LRIG2: variants seen among roughly 807,000 people sequenced by gnomAD.
LRIG2 encodes the protein leucine rich repeats and immunoglobulin like domains 2.
LRIG2 carries 93 observed loss-of-function variants against 107.8 expected under a neutral mutation model. That is an observed-to-expected ratio of 0.86 (90% CI 0.73 to 1.03). The LOEUF (loss-of-function observed/expected upper bound fraction) is 1.03, where lower values mean the gene tolerates loss of function less well. LRIG2 is among the 50% of genes least tolerant of loss of function. LRIG2 has a pLI of 0.00. For synonymous variants in LRIG2, 471 were observed against 470.6 expected (o/e 1.00, Z -0.01); for missense variants, 1,226 against 1,296.0 (o/e 0.95, Z 0.83).
intron 1 of LRIG2, among the ~76,000 whole-genome samples, chr1:113,084,881 G>C (rs942889977): frequency 6.6e-6 from 1 of 152,150 alleles, no homozygotes; most frequent in African/African-American, 2.4e-5. Context: ...TCCTATGCTA[G>C]AGAAAATGAC....
Position 113,127,260 on chromosome 1 carries a change from C to T in LRIG2, c.*3159C>T, listed in dbSNP as rs1655516371. On this transcript the variant is annotated 3_prime_UTR_variant, in exon 18 of 18. Coordinates refer to ENST00000361127, the MANE Select transcript of LRIG2 (RefSeq NM_014813.3). ...TTTGAGATGGAGTCCCTCTCGGTCACCCAGGCTGGAGCGCAGTGGCATGAT... is the reference window on the plus strand; with the variant it reads ...TTTGAGATGGAGTCCCTCTCGGTCATCCAGGCTGGAGCGCAGTGGCATGAT... 1 of 152,172 alleles carries T rather than the reference C, an allele frequency of 6.6e-6. No individual in the cohort carries two copies. The highest frequency in any genetic ancestry group is 2.4e-5 in the African/African-American group (1 of 41,428). The allele number at this position is 152,172 out of a possible 1,614,324, so 9.4% of individuals were successfully genotyped here.
intron 1 of LRIG2, among the ~76,000 whole-genome samples, chr1:113,079,788 C>G (rs1209634141): frequency 7.1e-6 from 1 of 140,594 alleles, no homozygotes; most frequent in Non-Finnish European, 1.5e-5. Context: ...GTTGCCCAGG[C>G]TAGAGTGGAG....
intron 1 of LRIG2, among the ~76,000 whole-genome samples, chr1:113,089,585 G>A (rs77924784): frequency 0.018 from 2,663 of 151,172 alleles, 94 homozygotes; most frequent in African/African-American, 0.061. Flanking sequence ...AAGAATGCCT[G>A]TCTGCCTTTA....
intron 17 of LRIG2, among the ~76,000 whole-genome samples, chr1:113,120,774 T>G (rs1318018467): frequency 6.6e-6 from 1 of 151,800 alleles, no homozygotes; most frequent in Non-Finnish European, 1.5e-5. Context: ...CCTCCCAAAG[T>G]GCTGGGATTA....
chr1:113,095,748 G>A (rs1481117460), intron 6 of LRIG2, 126 bp from the exon 7 acceptor site: 2 of 826,232 alleles, frequency 2.4e-6, no homozygotes, highest in African/African-American at 3.4e-5. Flanking sequence ...TTATTGAATA[G>A]AATTGGTCAG....
At position 113,094,372 on chromosome 1, in the gene LRIG2, G is replaced by A. The variant is rs1188058102; in HGVS notation, c.549G>A (p.Glu183=). ...NLSNNRITTL[E]AGCFDNLSSS... ...GTAATAACAGAATAACCACCTTGGA[G>A]GCTGGTTGCTTCGATAATTTATCAA... The change falls in exon 5 of 18, where the codon GAG becomes GAA. Residue 183 remains glutamate (E), a synonymous_variant. Transcript: ENST00000361127. 2 of 1,612,094 alleles carry A rather than the reference G, an allele frequency of 1.2e-6. No homozygotes were observed. Among genetic ancestry groups the A allele is most frequent in the Non-Finnish European group, 1.7e-6 (2 of 1,179,178 alleles).
intron 17 of LRIG2, among the ~76,000 whole-genome samples, chr1:113,123,461 C>T (rs539227618): frequency 2.0e-5 from 3 of 152,146 alleles, no homozygotes; most frequent in Admixed American, 6.6e-5. Context: ...GTAATCCCAG[C>T]TACTTGGGAG....
At chr1:113,082,417 A>C (rs1653330076) in intron 1 of LRIG2, among the ~76,000 whole-genome samples, 1 of 152,192 alleles carries the variant, frequency 6.6e-6, no homozygotes, top group South Asian at 2.1e-4. Flanking sequence ...ATACAATTAA[A>C]TCAGACTGGG....
intron 2 of LRIG2, 122 bp from the exon 3 acceptor site, chr1:113,093,084 T>G: frequency 1.6e-6 from 1 of 627,158 alleles, no homozygotes; most frequent in Non-Finnish European, 2.8e-6. Context: ...TAACTCATTC[T>G]GAGTCATATT....
rs138090493 is a variant in LRIG2 at position 113,094,984 on chromosome 1, A to ATATAT, written c.803+230_803+231insATATT. ...CTAAAAAGTTTATATATATATATAT[A>ATATAT]TTTTTTTTGAGATGGAGTCTCACTC... On this transcript the variant is annotated intron_variant, in intron 6 of 17. Transcript: ENST00000361127. 2.9e-5 allele frequency among the ~76,000 whole-genome samples: 4 copies of ATATAT among 139,752 alleles called. No individual in the cohort carries two copies. The East Asian group carries it at 7.3e-4, about 25-fold the overall frequency. 91.7% of individuals were successfully genotyped at this position (139,752 alleles called of 152,430 possible).
In LRIG2 at chr1:113,093,538, A is replaced by G. The variant is rs6688685; in HGVS notation, c.489A>G (p.Ser163=). ...TAATATCAGAAATCAAGACATCTTC[A>G]TTTCCTCGCATGCAGCTTAAATACC... ...SNIISEIKTS[S]FPRMQLKYLN... The change falls in exon 4 of 18, where the codon TCA becomes TCG. Residue 163 remains serine (S), a synonymous_variant. Transcript: ENST00000361127. 8.4e-3 allele frequency: 13,376 copies of G among 1,584,488 alleles called. 1,006 individuals carry two copies. The African/African-American group carries it at 0.16, about 19-fold the overall frequency.
intron 5 of LRIG2, 29 bp downstream of exon 5, chr1:113,094,511 A>G: frequency 6.3e-7 from 1 of 1,583,154 alleles, no homozygotes; most frequent in Non-Finnish European, 8.6e-7. Context: ...GGATTATAAG[A>G]AGATAGTTTT....
chr1:113,103,647 TGGACCCCCAGACCTCTCACCCA>T (rs1654398255), intron 11 of LRIG2: 1 of 154,450 alleles, frequency 6.5e-6, no homozygotes, highest in Admixed American at 6.5e-5. Context: ...GATTCATCAT[TGGACCCCCAGACCTCTCACCCA>T]GGACCCCAAG....
At chr1:113,116,221 A>G in intron 15 of LRIG2, 66 bp from the exon 16 acceptor site, 1 of 1,453,178 alleles carries the variant, frequency 6.9e-7, no homozygotes, top group South Asian at 1.3e-5. Context: ...ACACATTTGC[A>G]AAATAGTCTT....
Position 113,119,536 on chromosome 1 carries a change from TTTTTGTTGTTA to T in LRIG2, c.2971+21_2971+31del. The T allele has an allele frequency of 6.2e-7, 1 of 1,608,080 alleles. No individual in the cohort carries two copies. Among genetic ancestry groups the T allele is most frequent in the Non-Finnish European group, 8.5e-7 (1 of 1,176,936 alleles). ...CAGATGAGCGGTGGTAAGGGATGTA[TTTTTGTTGTTA>T]TTTTGTTTTTACTTTCGTCTAATTG... is the stretch of plus-strand genomic sequence containing the variant. On this transcript the variant is annotated intron_variant, in intron 17 of 17. Coordinates refer to ENST00000361127, the MANE Select transcript of LRIG2 (RefSeq NM_014813.3).
At position 113,084,510 on chromosome 1, in the gene LRIG2, C is replaced by G. The variant is rs147852105; in HGVS notation, c.240-6808C>G. ...GATTACAGGCATGAGCCACCGCGCCCGGCATACTTAATTCTTTAAAATTAT... is the reference window on the plus strand; with the variant it reads ...GATTACAGGCATGAGCCACCGCGCCGGGCATACTTAATTCTTTAAAATTAT... On this transcript the variant is annotated intron_variant, in intron 1 of 17. Coordinates refer to ENST00000361127, the MANE Select transcript of LRIG2 (RefSeq NM_014813.3). 8.1e-4 allele frequency among the ~76,000 whole-genome samples: 124 copies of G among 152,218 alleles called. 1 individual carries two copies. The East Asian group carries it at 0.022, about 27-fold the overall frequency.
At chr1:113,083,120 A>G (rs146196898) in intron 1 of LRIG2, among the ~76,000 whole-genome samples, 15 of 152,076 alleles carry the variant, frequency 9.9e-5, no homozygotes, top group African/African-American at 3.1e-4. Context: ...CATGTTGCCC[A>G]GGCTGGTCTT....
intron 7 of LRIG2, 98 bp downstream of exon 7, chr1:113,096,115 T>C (rs931864310): frequency 6.6e-5 from 104 of 1,583,100 alleles, no homozygotes; most frequent in Non-Finnish European, 8.0e-5. Flanking sequence ...CATCCCTCTT[T>C]ACTAGAAATT....
intron 4 of LRIG2, 99 bp downstream of exon 4, chr1:113,093,663 A>C: frequency 1.5e-6 from 1 of 671,836 alleles, no homozygotes; most frequent in Non-Finnish European, 2.5e-6. Flanking sequence ...TGGGAGATAT[A>C]CCTAATGCTA....
Sources: gnomAD v4.1 joint callset for allele counts (sites outside exome capture counted in the v4.1 genomes callset) on GRCh38, gnomAD v4.1.1 for gene constraint, MANE v1.5 for transcripts, NCBI Gene and HGNC (gene_info 2026-07-23, HGNC 2026-07-21) for gene names.